SLC25A26: variants seen among roughly 807,000 people sequenced by gnomAD.
SLC25A26 encodes the protein mitochondrial S-adenosylmethionine carrier protein.
Under a neutral mutation model 37.8 loss-of-function variants are expected in SLC25A26, and 36 were observed. That is an observed-to-expected ratio of 0.95 (90% CI 0.73 to 1.26). The LOEUF is 1.26. SLC25A26 is among the 50% of genes most tolerant of loss of function. The pLI, the probability that SLC25A26 is intolerant of heterozygous loss-of-function variation, is 0.00. For missense variants in SLC25A26, 390 were observed against 331.1 expected (o/e 1.18, Z -1.38); for synonymous variants, 129 against 122.5 (o/e 1.05, Z -0.35).
chr3:66,311,264 C>T (rs11128310), intron 5 of SLC25A26, among the ~76,000 whole-genome samples: 1 of 151,740 alleles, frequency 6.6e-6, no homozygotes, highest in African/African-American at 2.4e-5. Flanking sequence ...GATAGCCTTT[C>T]TTCTGCTTGA....
rs141286394 is a variant in SLC25A26 at position 66,331,401 on chromosome 3, T to G, written c.454-14963T>G. ...CATAAAGCATGGCTTTTGTTGTTACTTAATACCCTTTAAAAAAATCCCATT... is the reference window on the plus strand; with the variant it reads ...CATAAAGCATGGCTTTTGTTGTTACGTAATACCCTTTAAAAAAATCCCATT... On this transcript the variant is annotated intron_variant, in intron 5 of 9. Transcript: ENST00000354883. 2.2e-3 allele frequency among the ~76,000 whole-genome samples: 337 copies of G among 152,290 alleles called. 3 individuals carry two copies. The highest frequency in any genetic ancestry group is 2.3e-3 in the Non-Finnish European group (154 of 68,008).
chr3:66,348,905 AACAGCTCT>A, intron 6 of SLC25A26, among the ~76,000 whole-genome samples: 1 of 152,320 alleles, frequency 6.6e-6, no homozygotes, highest in Non-Finnish European at 1.5e-5. Context: ...CCATTAGTAT[AACAGCTCT>A]CCTTTTTAGT....
Position 66,174,325 on chromosome 3 carries a change from C to T in SLC25A26, c.-354+40341C>T, listed in dbSNP as rs193039271. On this transcript the variant is annotated intron_variant, in intron 1 of 10. Transcript: ENST00000676754. ...GAACACCCATATCCCCCCACTTTTG[C>T]ATTTATATGCACATTTCCATTTTGC... Among the ~76,000 whole-genome samples the T allele has an allele frequency of 2.0e-5, 3 of 152,302 alleles. No homozygotes were observed. The East Asian group carries it at 5.8e-4, about 29-fold the overall frequency.
chr3:66,322,031 T>C (rs1385441739), intron 5 of SLC25A26, among the ~76,000 whole-genome samples: 1 of 152,064 alleles, frequency 6.6e-6, no homozygotes, highest in Non-Finnish European at 1.5e-5. Flanking sequence ...TCCCATTCCA[T>C]CCTGCCTCTC....
chr3:66,158,005 G>A (rs912578660), intron 1 of SLC25A26, among the ~76,000 whole-genome samples: 1 of 152,148 alleles, frequency 6.6e-6, no homozygotes, highest in Non-Finnish European at 1.5e-5. Flanking sequence ...CCTATTGAAG[G>A]GAGAATGCGT....
intron 1 of SLC25A26, among the ~76,000 whole-genome samples, chr3:66,134,766 G>C (rs1252807992): frequency 6.6e-6 from 1 of 151,982 alleles, no homozygotes; most frequent in Admixed American, 6.6e-5. Context: ...CTGAGTTGGA[G>C]ATTTTGTCAC....
chr3:66,262,837 T>C (rs1172505819), intron 4 of SLC25A26, among the ~76,000 whole-genome samples: 1 of 152,218 alleles, frequency 6.6e-6, no homozygotes, highest in Non-Finnish European at 1.5e-5. Flanking sequence ...TCCAGGGTTG[T>C]CTGGAAATAC....
chr3:66,156,119 T>C (rs1247048872), intron 1 of SLC25A26, among the ~76,000 whole-genome samples: 1 of 152,138 alleles, frequency 6.6e-6, no homozygotes, highest in Non-Finnish European at 1.5e-5. Context: ...AAAGCCAGGA[T>C]ACAAATTCCA....
chr3:66,314,233 C>T (rs1302003423), intron 5 of SLC25A26, among the ~76,000 whole-genome samples: 1 of 152,114 alleles, frequency 6.6e-6, no homozygotes, highest in African/African-American at 2.4e-5. Context: ...TTTGCCCATT[C>T]AGTATGATAC....
At chr3:66,288,686 A>G (rs866662907) in intron 5 of SLC25A26, among the ~76,000 whole-genome samples, 15 of 152,308 alleles carry the variant, frequency 9.8e-5, no homozygotes, top group Middle Eastern at 3.4e-3. Flanking sequence ...ATAGTATTCA[A>G]TGATGTATAT....
intron 3 of SLC25A26, among the ~76,000 whole-genome samples, chr3:66,253,950 A>G (rs1285065329): frequency 1.3e-5 from 2 of 152,250 alleles, no homozygotes; most frequent in African/African-American, 4.8e-5. Flanking sequence ...AATTGTAGAC[A>G]CAGGGACTAA....
At chr3:66,327,885 A>AT (rs56004357) in intron 5 of SLC25A26, among the ~76,000 whole-genome samples, 13,961 of 146,252 alleles carry the variant, frequency 0.095, 1,820 homozygotes, top group African/African-American at 0.3. Context: ...CAAGTAGGGG[A>AT]TTTTTTTTTT....
intron 5 of SLC25A26, among the ~76,000 whole-genome samples, chr3:66,342,696 C>T (rs1032381385): frequency 6.6e-6 from 1 of 152,062 alleles, no homozygotes; most frequent in African/African-American, 2.4e-5. Context: ...TCCTGTTTAC[C>T]ACACCCAGAT....
chr3:66,329,768 C>T (rs971606717), intron 5 of SLC25A26, among the ~76,000 whole-genome samples: 3 of 152,118 alleles, frequency 2.0e-5, no homozygotes, highest in African/African-American at 4.8e-5. Context: ...AGCCTTGCTC[C>T]ATCACTGTTA....
chr3:66,339,453 T>A (rs1344537437), intron 5 of SLC25A26, among the ~76,000 whole-genome samples: 2 of 152,062 alleles, frequency 1.3e-5, no homozygotes, highest in Non-Finnish European at 2.9e-5. Flanking sequence ...AGAGCCATAC[T>A]GTTTTCAAGT....
chr3:66,186,404 C>A (rs1020285932), intron 1 of SLC25A26, among the ~76,000 whole-genome samples: 16,107 of 151,956 alleles, frequency 0.11, 970 homozygotes, highest in Middle Eastern at 0.15. Flanking sequence ...CATGATGACA[C>A]CTTGAAACTG....
intron 1 of SLC25A26, among the ~76,000 whole-genome samples, chr3:66,204,441 A>AAAAG (rs1553655328): frequency 2.2e-5 from 2 of 89,376 alleles, no homozygotes; most frequent in East Asian, 4.3e-4. Context: ...AAAAAAAAAG[A>AAAAG]AAAAAAGAAA....
intron 9 of SLC25A26, among the ~76,000 whole-genome samples, chr3:66,373,063 A>G (rs1700438762): frequency 6.6e-6 from 1 of 152,154 alleles, no homozygotes; most frequent in Admixed American, 6.5e-5. Flanking sequence ...TTACTAAACA[A>G]ACACCGCGTG....
chr3:66,187,915 C>G (rs1447814477), intron 1 of SLC25A26, among the ~76,000 whole-genome samples: 1 of 152,030 alleles, frequency 6.6e-6, no homozygotes, highest in Non-Finnish European at 1.5e-5. Context: ...TGACGCAACC[C>G]AGACTCTAAC....
Sources: allele counts gnomAD v4.1 joint callset (sites outside exome capture counted in the v4.1 genomes callset), GRCh38; gene constraint gnomAD v4.1.1; transcripts MANE v1.5; gene names NCBI Gene and HGNC (gene_info 2026-07-23, HGNC 2026-07-21).